TTC28: variants seen among roughly 807,000 people sequenced by gnomAD.
TTC28 encodes tetratricopeptide repeat domain 28, also known as tetratricopeptide repeat protein 28.
Under a neutral mutation model 198.0 loss-of-function variants are expected in TTC28, and 61 were observed. The ratio of observed to expected loss-of-function variants is 0.31; its 90% confidence interval spans 0.25 to 0.38. TTC28 has a LOEUF of 0.38. TTC28 is among the 10% of genes least tolerant of loss of function. The pLI, the probability that TTC28 is intolerant of heterozygous loss-of-function variation, is 1.00. For missense variants in TTC28, 2,678 were observed against 3,164.0 expected, an observed-to-expected ratio of 0.85 and a Z score of 3.69; for synonymous variants, 1,171 against 1,297.8, an observed-to-expected ratio of 0.90 and a Z score of 2.10.
chr22:28,637,365 A>G (rs971618247), intron 1 of TTC28, among the ~76,000 whole-genome samples: 2 of 152,202 alleles, frequency 1.3e-5, no homozygotes, highest in African/African-American at 2.4e-5. Flanking sequence ...GTGTAGGTTA[A>G]GGATCCAATT....
intron 1 of TTC28, among the ~76,000 whole-genome samples, chr22:28,669,642 T>G (rs976875301): frequency 6.6e-6 from 1 of 152,296 alleles, no homozygotes; most frequent in Non-Finnish European, 1.5e-5. Flanking sequence ...CACAAGAAGG[T>G]TAATATGCTT....
intron 2 of TTC28, among the ~76,000 whole-genome samples, chr22:28,563,663 T>G (rs144496427): frequency 1.3e-5 from 2 of 152,086 alleles, no homozygotes; most frequent in Non-Finnish European, 2.9e-5. Flanking sequence ...AAAGTGTTGG[T>G]TATGGAGAAA....
At chr22:28,219,386 G>A (rs549893378) in intron 5 of TTC28, among the ~76,000 whole-genome samples, 20 of 151,920 alleles carry the variant, frequency 1.3e-4, no homozygotes, top group African/African-American at 3.1e-4. Context: ...GCAGGCACCC[G>A]TAATCCCAGC....
intron 5 of TTC28, among the ~76,000 whole-genome samples, chr22:28,206,882 T>C (rs1926449280): frequency 6.6e-6 from 1 of 152,038 alleles, no homozygotes. Flanking sequence ...TTGTTACAGA[T>C]AATGGGGAGA....
chr22:28,059,990 C>T (rs1010001462), intron 12 of TTC28, among the ~76,000 whole-genome samples: 9 of 151,038 alleles, frequency 6.0e-5, no homozygotes, highest in African/African-American at 2.2e-4. Flanking sequence ...TTAACAATGT[C>T]CTTTAATTGT....
In TTC28 at chr22:28,009,423, G is replaced by A. The variant is rs74529317; in HGVS notation, c.4218+4825C>T. ...AGTCTTGGACTTTTGGCTTTGATGT[G>A]CATTCTCACTGAAAATGTGGAGAAG... On this transcript the variant is annotated intron_variant, in intron 14 of 22. Coordinates refer to ENST00000397906, the MANE Select transcript of TTC28 (RefSeq NM_001145418.2). 5.9e-3 allele frequency among the ~76,000 whole-genome samples: 906 copies of A among 152,362 alleles called. 14 individuals are homozygous for A. The highest frequency in any genetic ancestry group is 0.021 in the African/African-American group (863 of 41,580).
intron 1 of TTC28, among the ~76,000 whole-genome samples, chr22:28,652,863 C>T (rs533818968): frequency 1.2e-4 from 18 of 152,190 alleles, no homozygotes; most frequent in African/African-American, 4.3e-4. Flanking sequence ...CCAACTGATC[C>T]CTATTGTATA....
At position 27,999,264 on chromosome 22, in the gene TTC28, G is replaced by A. The variant is rs932835381; in HGVS notation, c.4399-4C>T. Reference sequence around the variant, plus strand: ...GCGGGTTCTTCCGTAAGTGAGACTAGGAGGGGAGGGGACAAAGCAGACCAC... The same window carrying A: ...GCGGGTTCTTCCGTAAGTGAGACTAAGAGGGGAGGGGACAAAGCAGACCAC... On this transcript the variant is annotated splice_polypyrimidine_tract_variant and splice_region_variant and intron_variant, in intron 15 of 22. Coordinates refer to ENST00000397906, the MANE Select transcript of TTC28 (RefSeq NM_001145418.2). The A allele has an allele frequency of 4.4e-5, 68 of 1,542,786 alleles. No individual in the cohort carries two copies. The Admixed American group carries it at 1.3e-3, about 30-fold the overall frequency.
At chr22:28,622,530 T>A (rs1454362780) in intron 2 of TTC28, among the ~76,000 whole-genome samples, 1 of 146,502 alleles carries the variant, frequency 6.8e-6, no homozygotes, top group Non-Finnish European at 1.5e-5. Context: ...ATAAATAGCA[T>A]GAAAAGAATA....
chr22:28,600,996 G>T (rs901771889), intron 2 of TTC28, among the ~76,000 whole-genome samples: 1 of 151,980 alleles, frequency 6.6e-6, no homozygotes, highest in African/African-American at 2.4e-5. Context: ...GAAAAATTAT[G>T]ATTCTTACTC....
At chr22:28,060,005 T>C (rs1375854892) in intron 12 of TTC28, among the ~76,000 whole-genome samples, 2 of 151,342 alleles carry the variant, frequency 1.3e-5, no homozygotes, top group Admixed American at 1.3e-4. Flanking sequence ...AATTGTACTA[T>C]TTAGTTCCTT....
chr22:28,528,668 G>A (rs1002571262), intron 2 of TTC28, among the ~76,000 whole-genome samples: 3 of 150,292 alleles, frequency 2.0e-5, no homozygotes, highest in East Asian at 2.0e-4. Context: ...CCCAGGAAGC[G>A]GAGGTTACAG....
chr22:28,556,224 G>A (rs932995333), intron 2 of TTC28, among the ~76,000 whole-genome samples: 2 of 152,046 alleles, frequency 1.3e-5, no homozygotes, highest in Admixed American at 6.6e-5. Context: ...TGGGCATGGT[G>A]GCACATCTCT....
chr22:28,105,191 CTG>C (rs1214086005), intron 8 of TTC28, 86 bp downstream of exon 8: 3 of 1,399,420 alleles, frequency 2.1e-6, no homozygotes, highest in Admixed American at 4.5e-5. Context: ...GCCATTCAAA[CTG>C]TGCATACTTC....
At chr22:28,412,499 T>G (rs2047097501) in intron 2 of TTC28, among the ~76,000 whole-genome samples, 1 of 152,202 alleles carries the variant, frequency 6.6e-6, no homozygotes, top group Non-Finnish European at 1.5e-5. Context: ...TGACCCTATC[T>G]AGCTTTCCAG....
Position 28,107,224 on chromosome 22 carries a change from A to G in TTC28, c.2621T>C (p.Leu874Pro). The stretch of plus-strand genomic sequence containing the variant: ...GTTGCCATAGGCCCGGCCCCTGTCG[A>G]GCACAGACTCATTTCCACTTAGCTG... ...LQQLSGNESV[L>P]DRGRAYGNLG... The change falls in exon 7 of 23, where the codon CTC (leucine) becomes CCC (proline). Residue 874 changes from leucine (L) to proline (P), a missense_variant. Leu to Pro is a moderately conservative substitution (Grantham distance 98). Coordinates refer to ENST00000397906, the MANE Select transcript of TTC28 (RefSeq NM_001145418.2). 6.4e-7 allele frequency: 1 copy of G among 1,551,654 alleles called. No individual in the cohort carries two copies. The highest frequency in any genetic ancestry group is 8.7e-7 in the Non-Finnish European group (1 of 1,146,978).
At chr22:28,536,198 C>CAAAA (rs59506221) in intron 2 of TTC28, among the ~76,000 whole-genome samples, 9 of 64,396 alleles carry the variant, frequency 1.4e-4, no homozygotes, top group Non-Finnish European at 1.7e-4. Flanking sequence ...GACACCGTCT[C>CAAAA]AAAAAAAAAA....
chr22:28,011,931 G>C (rs1352193345), intron 14 of TTC28, among the ~76,000 whole-genome samples: 1 of 152,154 alleles, frequency 6.6e-6, no homozygotes, highest in African/African-American at 2.4e-5. Context: ...CAACATTAAT[G>C]GAACAAGTAA....
chr22:28,670,448 G>A (rs1351505515), intron 1 of TTC28, among the ~76,000 whole-genome samples: 1 of 151,898 alleles, frequency 6.6e-6, no homozygotes, highest in African/African-American at 2.4e-5. Flanking sequence ...GTGATCTCTT[G>A]TGACTGGTTT....
Sources: gnomAD v4.1 joint callset for allele counts (sites outside exome capture counted in the v4.1 genomes callset) on GRCh38, gnomAD v4.1.1 for gene constraint, MANE v1.5 for transcripts, NCBI Gene and HGNC (gene_info 2026-07-23, HGNC 2026-07-21) for gene names.